Variants in L3MBTL4 observed in about 807,000 individuals in gnomAD.
The protein encoded by L3MBTL4 is lethal(3)malignant brain tumor-like protein 4.
In L3MBTL4, 70 loss-of-function variants were observed where a neutral mutation model predicts 84.5. The observed-to-expected ratio is 0.83, with a 90% confidence interval of 0.68 to 1.01. The LOEUF (loss-of-function observed/expected upper bound fraction) is 1.01. Among genes scored for constraint, L3MBTL4 ranks in the 50% least tolerant of loss-of-function variants. The pLI is 0.00. For synonymous variants in L3MBTL4, 274 were observed against 259.8 expected, an observed-to-expected ratio of 1.05 and a Z score of -0.52; for missense variants, 715 against 754.8, an observed-to-expected ratio of 0.95 and a Z score of 0.62.
intron 12 of L3MBTL4, among the ~76,000 whole-genome samples, chr18:6,185,653 G>A (rs2044691036): frequency 6.6e-6 from 1 of 152,162 alleles, no homozygotes; most frequent in South Asian, 2.1e-4. Flanking sequence ...GCTGGTTCCT[G>A]CAGGACCCTG....
chr18:6,059,268 T>C (rs1300026470), intron 16 of L3MBTL4, among the ~76,000 whole-genome samples: 1 of 152,222 alleles, frequency 6.6e-6, no homozygotes, highest in Non-Finnish European at 1.5e-5. Flanking sequence ...GCACCAGACT[T>C]GTTGCTGTGG....
rs139763883 is a variant in L3MBTL4 at position 6,176,476 on chromosome 18, G to A, written c.982-4534C>T. ...GAAAGTACAGTCTTTTCAACAAATG[G>A]CACCAGAATGCTTGAACATCAACAT... is the stretch of plus-strand genomic sequence containing the variant. On this transcript the variant is annotated intron_variant, in intron 12 of 18. Coordinates refer to ENST00000317931, the MANE Select transcript of L3MBTL4 (RefSeq NM_001330559.2). Among the ~76,000 whole-genome samples the A allele has an allele frequency of 2.4e-3, 364 of 152,016 alleles. 2 individuals carry two copies. The highest frequency in any genetic ancestry group is 8.3e-3 in the African/African-American group (346 of 41,476).
intron 16 of L3MBTL4, among the ~76,000 whole-genome samples, chr18:6,018,802 A>G (rs1397464204): frequency 6.6e-6 from 1 of 152,242 alleles, no homozygotes. Flanking sequence ...AAGCAATCAG[A>G]GCAAAGATTC....
At chr18:6,398,933 C>CCTCTGACAA (rs1186337750) in intron 1 of L3MBTL4, among the ~76,000 whole-genome samples, 3 of 152,150 alleles carry the variant, frequency 2.0e-5, no homozygotes, top group Non-Finnish European at 4.4e-5. Flanking sequence ...CCCAAGGGAG[C>CCTCTGACAA]ACCCCAGTGT....
chr18:6,089,701 G>C (rs551819116), intron 15 of L3MBTL4, among the ~76,000 whole-genome samples: 1 of 152,254 alleles, frequency 6.6e-6, no homozygotes, highest in African/African-American at 2.4e-5. Context: ...AGGGTTGTTG[G>C]GAGGATGAAA....
intron 10 of L3MBTL4, among the ~76,000 whole-genome samples, chr18:6,228,387 A>G (rs1430391845): frequency 2.0e-5 from 3 of 152,112 alleles, no homozygotes; most frequent in Admixed American, 1.3e-4. Context: ...TTAAAAATTA[A>G]TTAATTGGGC....
chr18:5,994,108 C>A (rs1277109956), intron 16 of L3MBTL4, among the ~76,000 whole-genome samples: 1 of 152,206 alleles, frequency 6.6e-6, no homozygotes, highest in Non-Finnish European at 1.5e-5. Context: ...TCCCTGTCCA[C>A]CAGGCCCTCT....
intron 12 of L3MBTL4, among the ~76,000 whole-genome samples, chr18:6,202,781 GTT>G (rs1342136183): frequency 6.6e-6 from 1 of 152,170 alleles, no homozygotes; most frequent in East Asian, 1.9e-4. Context: ...GAAGAAAAAG[GTT>G]TGTGTATTGA....
At chr18:6,180,929 AAT>A in intron 12 of L3MBTL4, among the ~76,000 whole-genome samples, 1 of 152,334 alleles carries the variant, frequency 6.6e-6, no homozygotes, top group Middle Eastern at 3.4e-3. Context: ...CACGCAATGG[AAT>A]ATTATTCAGC....
intron 4 of L3MBTL4, among the ~76,000 whole-genome samples, chr18:6,274,453 C>T (rs147074519): frequency 4.0e-4 from 61 of 152,298 alleles, no homozygotes; most frequent in African/African-American, 1.4e-3. Context: ...CTCCATCCTC[C>T]CCAAACATGC....
At chr18:6,266,954 G>GTAA (rs200159593) in intron 4 of L3MBTL4, among the ~76,000 whole-genome samples, 1,871 of 151,076 alleles carry the variant, frequency 0.012, 34 homozygotes, top group African/African-American at 0.042. Flanking sequence ...AATAATAATA[G>GTAA]TAATAATAAT....
At chr18:6,401,523 C>T (rs1568610120) in intron 1 of L3MBTL4, among the ~76,000 whole-genome samples, 1 of 152,092 alleles carries the variant, frequency 6.6e-6, no homozygotes, top group Non-Finnish European at 1.5e-5. Flanking sequence ...AAGAAGACAG[C>T]TTATAGAATG....
chr18:5,993,191 C>T (rs746348419), intron 16 of L3MBTL4, among the ~76,000 whole-genome samples: 58 of 152,166 alleles, frequency 3.8e-4, no homozygotes, highest in Admixed American at 9.8e-4. Flanking sequence ...CCATAAACAC[C>T]GTCCTCTGTT....
intron 1 of L3MBTL4, among the ~76,000 whole-genome samples, chr18:6,336,017 G>C (rs2052318316): frequency 1.3e-5 from 2 of 152,146 alleles, no homozygotes; most frequent in Admixed American, 1.3e-4. Context: ...CGGTTCAAAA[G>C]AAAGGTCACA....
intron 16 of L3MBTL4, among the ~76,000 whole-genome samples, chr18:5,970,862 G>T (rs1301134559): frequency 6.6e-6 from 1 of 152,194 alleles, no homozygotes; most frequent in Admixed American, 6.5e-5. Flanking sequence ...AATCAGAAAG[G>T]TTCTAAACTA....
rs145264458 is a variant in L3MBTL4 at position 6,387,635 on chromosome 18, G to A, written c.-91+27166C>T. Among the ~76,000 whole-genome samples, 17 of 152,286 alleles carry A rather than the reference G, an allele frequency of 1.1e-4. No individual in the cohort carries two copies. In the East Asian group the frequency reaches 2.9e-3, roughly 26 times the overall value. On this transcript the variant is annotated intron_variant, in intron 1 of 18. Coordinates refer to ENST00000317931, the MANE Select transcript of L3MBTL4 (RefSeq NM_001330559.2). ...ATTTTACTAGTTTTCAACCCTGAGAGTCATCTAGTGGGAAAAATACCGAAG... is the reference window on the plus strand; with the variant it reads ...ATTTTACTAGTTTTCAACCCTGAGAATCATCTAGTGGGAAAAATACCGAAG...
intron 14 of L3MBTL4, among the ~76,000 whole-genome samples, chr18:6,129,906 T>C (rs2059821882): frequency 6.6e-6 from 1 of 152,214 alleles, no homozygotes; most frequent in Non-Finnish European, 1.5e-5. Context: ...TAAATCATGT[T>C]ATTCAGATTC....
intron 13 of L3MBTL4, among the ~76,000 whole-genome samples, chr18:6,169,621 T>C (rs943630868): frequency 4.4e-4 from 60 of 137,394 alleles, no homozygotes; most frequent in African/African-American, 1.7e-3. Flanking sequence ...TAGGTGGGAA[T>C]TGAACAATGA....
intron 4 of L3MBTL4, among the ~76,000 whole-genome samples, chr18:6,270,431 G>A (rs2048817762): frequency 6.6e-6 from 1 of 152,220 alleles, no homozygotes; most frequent in African/African-American, 2.4e-5. Flanking sequence ...AGGCAGGCGT[G>A]TAGACAGATA....
Sources: gnomAD v4.1 joint callset for allele counts (sites outside exome capture counted in the v4.1 genomes callset) on GRCh38, gnomAD v4.1.1 for gene constraint, MANE v1.5 for transcripts, NCBI Gene and HGNC (gene_info 2026-07-23, HGNC 2026-07-21) for gene names.